Variants in TLR1 observed in about 807,000 individuals in gnomAD.
TLR1 encodes toll-like receptor 1.
TLR1 carries 19 observed loss-of-function variants against 20.2 expected under a neutral mutation model. The ratio of observed to expected loss-of-function variants is 0.94; its 90% CI spans 0.66 to 1.38. The LOEUF is 1.38. Ranked by LOEUF, TLR1 falls within the 40% of genes most tolerant of loss-of-function variation. The pLI is 0.00. For synonymous variants in TLR1, 320 were observed against 334.5 expected (o/e 0.96, Z 0.47); for missense variants, 921 against 910.0 (o/e 1.01, Z -0.16).
intron 2 of TLR1, among the ~76,000 whole-genome samples, chr4:38,801,421 C>A (rs1178958495): frequency 6.6e-6 from 1 of 152,204 alleles, no homozygotes; most frequent in Non-Finnish European, 1.5e-5. Context: ...TTATAAGTCA[C>A]CCATTCTGGT....
chr4:38,805,155 C>T (rs1032297435), upstream of TLR1: 1 of 152,218 alleles, frequency 6.6e-6, no homozygotes, highest in Non-Finnish European at 1.5e-5. Context: ...GGGTGTGTTT[C>T]GGCTGCTTTG....
In TLR1 at chr4:38,797,700, T is replaced by C. The variant is rs1212844952; in HGVS notation, c.1132A>G (p.Ile378Val). The C allele has an allele frequency of 6.2e-7, 1 of 1,613,820 alleles. No individual in the cohort carries two copies. Among genetic ancestry groups the C allele is most frequent in the Non-Finnish European group, 8.5e-7 (1 of 1,179,998 alleles). ...CGHLTELETL[I>V]LQMNQLKELS... ...TCTTTTAATTGATTCATTTGTAAAATAAGTGTCTCCAACTCAGTAAGGTGC... is the reference window on the plus strand; with the variant it reads ...TCTTTTAATTGATTCATTTGTAAAACAAGTGTCTCCAACTCAGTAAGGTGC... The change falls in exon 4 of 4, where the codon ATT (isoleucine) becomes GTT (valine). Residue 378 changes from isoleucine to valine, a missense_variant. Coordinates refer to ENST00000308979, the MANE Select transcript of TLR1 (RefSeq NM_003263.4).
At chr4:38,791,413 T>C (rs1019197143), downstream of TLR1, among the ~76,000 whole-genome samples, 11 of 152,250 alleles carry the variant, frequency 7.2e-5, no homozygotes, top group African/African-American at 2.7e-4. Context: ...CACATATCAA[T>C]GGAGATCTTA....
At chr4:38,802,785 G>T (rs775656161) in intron 2 of TLR1, among the ~76,000 whole-genome samples, 2 of 152,196 alleles carry the variant, frequency 1.3e-5, no homozygotes, top group Non-Finnish European at 2.9e-5. Flanking sequence ...AGTTTAGAGC[G>T]CAGGCGTATA....
At chr4:38,789,743 A>T (rs1725674881), downstream of TLR1, among the ~76,000 whole-genome samples, 1 of 152,224 alleles carries the variant, frequency 6.6e-6, no homozygotes, top group Non-Finnish European at 1.5e-5. Flanking sequence ...GAATACAGGC[A>T]TGAGCCACTG....
At position 38,796,333 on chromosome 4, in the gene TLR1, C is replaced by T; in HGVS notation, c.*138G>A. On this transcript the variant is annotated 3_prime_UTR_variant, in exon 4 of 4. Transcript: ENST00000308979. ...ACCACATATAAATGGTGAACTGCGA[C>T]CCGAAGGTATATATTTTTACCTACA... is the stretch of plus-strand genomic sequence containing the variant. 1 of 911,598 alleles carries T rather than the reference C, an allele frequency of 1.1e-6. No homozygotes were observed. Among genetic ancestry groups the T allele is most frequent in the Non-Finnish European group, 1.6e-6 (1 of 617,308 alleles). The allele number at this position is 911,598 out of a possible 1,614,324, so 56.5% of individuals were successfully genotyped here. A position where few individuals can be genotyped will look rare whatever the true frequency, so the allele number is the denominator to read the frequency against.
downstream of TLR1, among the ~76,000 whole-genome samples, chr4:38,790,214 A>G (rs1725683216): frequency 6.6e-6 from 1 of 152,200 alleles, no homozygotes; most frequent in African/African-American, 2.4e-5. Flanking sequence ...TGGGATGCAC[A>G]GCATCTCCTT....
At chr4:38,793,485 T>G (rs1725847168), downstream of TLR1, among the ~76,000 whole-genome samples, 1 of 152,194 alleles carries the variant, frequency 6.6e-6, no homozygotes, top group African/African-American at 2.4e-5. Context: ...AAATCTCTCT[T>G]ATTTTCATTG....
At position 38,797,743 on chromosome 4, in the gene TLR1, C is replaced by T. The variant is rs1432048521; in HGVS notation, c.1089G>A (p.Thr363=). The T allele has an allele frequency of 8.7e-6, 14 of 1,613,776 alleles. No individual in the cohort carries two copies. Among genetic ancestry groups the T allele is most frequent in the Admixed American group, 1.7e-5 (1 of 59,968 alleles). The change falls in exon 4 of 4, where the codon ACG becomes ACA. Residue 363 remains threonine (T), a synonymous_variant. Transcript: ENST00000308979. ...LDFSNNLLTD[T]VFENCGHLTE... The stretch of plus-strand genomic sequence containing the variant: ...TAAGGTGCCCACAATTTTCAAAAAC[C>T]GTGTCTGTTAAGAGATTATTGGAAA...
At chr4:38,802,811 T>C (rs1726760947) in intron 2 of TLR1, among the ~76,000 whole-genome samples, 1 of 152,180 alleles carries the variant, frequency 6.6e-6, no homozygotes, top group Non-Finnish European at 1.5e-5. Flanking sequence ...CTTTTTATCA[T>C]AGCCATGTAG....
downstream of TLR1, among the ~76,000 whole-genome samples, chr4:38,787,739 G>T (rs996408142): frequency 1.3e-5 from 2 of 152,014 alleles, no homozygotes; most frequent in Middle Eastern, 3.2e-3. Context: ...TTCAATTCAG[G>T]TTTGTCACTT....
Position 38,797,931 on chromosome 4 carries a change from C to A in TLR1, c.901G>T (p.Ala301Ser). The part of the protein sequence containing the change: ...DFDYSGTSLK[A>S]LSIHQVVSDV... ...CTGACAACTTGGTGTATAGACAAGG[C>A]CTTCAAGGAAGTGCCAGAATAATCA... Residue 301 changes from alanine to serine, a missense_variant, in exon 4 of 4, where the codon GCC becomes TCC. Coordinates refer to ENST00000308979, the MANE Select transcript of TLR1 (RefSeq NM_003263.4). 6.2e-7 allele frequency: 1 copy of A among 1,614,142 alleles called. No homozygotes were observed.
At chr4:38,787,901 G>T (rs1177198227), downstream of TLR1, among the ~76,000 whole-genome samples, 1 of 152,056 alleles carries the variant, frequency 6.6e-6, no homozygotes, top group African/African-American at 2.4e-5. Flanking sequence ...ACCAAATATT[G>T]ACATTTCTCA....
downstream of TLR1, among the ~76,000 whole-genome samples, chr4:38,794,846 G>A (rs1165888497): frequency 6.6e-6 from 1 of 152,152 alleles, no homozygotes; most frequent in Non-Finnish European, 1.5e-5. Flanking sequence ...CAAAAAAGTA[G>A]AGACTGAGAT....
Position 38,798,724 on chromosome 4 carries a change from G to A in TLR1, c.108C>T (p.Leu36=), listed in dbSNP as rs1329327225. 6.2e-7 allele frequency: 1 copy of A among 1,613,442 alleles called. No homozygotes were observed. Among genetic ancestry groups the A allele is most frequent in the African/African-American group, 1.3e-5 (1 of 74,906 alleles). ...EFLVDRSKNG[L]IHVPKDLSQK... is the part of the protein sequence containing the mutation. ...GGGATAGGTCTTTAGGAACGTGGAT[G>A]AGACCGTTTTTTGACCTATCAACTA... is the stretch of plus-strand genomic sequence containing the variant. The change falls in exon 4 of 4, where the codon CTC becomes CTT. Residue 36 remains leucine (L), a synonymous_variant. Transcript: ENST00000308979.
At chr4:38,802,617 G>A (rs1243025341) in intron 2 of TLR1, among the ~76,000 whole-genome samples, 2 of 152,156 alleles carry the variant, frequency 1.3e-5, no homozygotes, top group South Asian at 2.1e-4. Flanking sequence ...GGTTAAACTG[G>A]GCACTTGGAT....
downstream of TLR1, among the ~76,000 whole-genome samples, chr4:38,794,361 T>C (rs937030832): frequency 6.6e-6 from 1 of 152,218 alleles, no homozygotes; most frequent in Non-Finnish European, 1.5e-5. Flanking sequence ...CAAAGAAGTT[T>C]AAATAATGAC....
At chr4:38,799,009 G>A in intron 3 of TLR1, 111 bp from the exon 4 acceptor site, 1 of 533,542 alleles carries the variant, frequency 1.9e-6, no homozygotes, top group Non-Finnish European at 3.3e-6. Flanking sequence ...ATAAAGTGGA[G>A]GCTACATTCT....
intron 2 of TLR1, among the ~76,000 whole-genome samples, chr4:38,803,726 G>C (rs972480208): frequency 6.6e-6 from 1 of 152,150 alleles, no homozygotes; most frequent in Non-Finnish European, 1.5e-5. Flanking sequence ...TAATGACCAT[G>C]ACTGAGCCTC....
Sources: gnomAD v4.1 joint callset for allele counts (sites outside exome capture counted in the v4.1 genomes callset) on GRCh38, gnomAD v4.1.1 for gene constraint, MANE v1.5 for transcripts, NCBI Gene and HGNC (gene_info 2026-07-23, HGNC 2026-07-21) for gene names.